Variants in FRK observed in about 807,000 individuals in gnomAD.
The protein encoded by FRK is tyrosine-protein kinase FRK.
FRK carries 51 observed loss-of-function variants against 56.4 expected under a neutral mutation model. That is an observed-to-expected ratio of 0.90 (90% CI 0.72 to 1.14). The LOEUF is 1.14. Ranked by LOEUF, FRK falls within the 50% of genes most tolerant of loss-of-function variation. The pLI is 0.00. For synonymous variants in FRK, 245 were observed against 217.9 expected (o/e 1.12, Z -1.10); for missense variants, 570 against 601.4 (o/e 0.95, Z 0.55).
At chr6:115,987,419 C>T (rs1023305055) in intron 2 of FRK, among the ~76,000 whole-genome samples, 8 of 152,200 alleles carry the variant, frequency 5.3e-5, no homozygotes, top group African/African-American at 1.9e-4. Flanking sequence ...GCTCTGATGA[C>T]CTTATCCTTC....
chr6:116,055,499 T>G (rs1444550629), intron 1 of FRK, among the ~76,000 whole-genome samples: 1 of 152,206 alleles, frequency 6.6e-6, no homozygotes. Flanking sequence ...CCTGCTAAAG[T>G]GCTAACAAGA....
the FRK span, among the ~76,000 whole-genome samples, chr6:116,098,690 T>A: frequency 6.6e-6 from 1 of 152,320 alleles, no homozygotes; most frequent in South Asian, 2.1e-4. Flanking sequence ...GAACTTGTAG[T>A]TGATAATACA....
chr6:115,990,121 G>A (rs927235439), intron 2 of FRK, among the ~76,000 whole-genome samples: 6 of 151,718 alleles, frequency 4.0e-5, no homozygotes, highest in African/African-American at 1.2e-4. Context: ...ACTTTTTAAT[G>A]GAGTTGTTAT....
chr6:116,000,568 G>A (rs190917021), intron 2 of FRK, among the ~76,000 whole-genome samples: 19 of 151,970 alleles, frequency 1.3e-4, no homozygotes, highest in Admixed American at 8.5e-4. Flanking sequence ...TATTTTTAAC[G>A]CTAATCTAAA....
intron 6 of FRK, 67 bp from the exon 7 acceptor site, chr6:115,943,252 C>G: frequency 1.8e-6 from 2 of 1,115,766 alleles, no homozygotes; most frequent in Non-Finnish European, 1.3e-6. Flanking sequence ...CCTCATTCAT[C>G]TATAATCTGC....
chr6:115,977,551 G>A (rs1404266592), intron 2 of FRK, among the ~76,000 whole-genome samples: 1 of 152,158 alleles, frequency 6.6e-6, no homozygotes, highest in Non-Finnish European at 1.5e-5. Context: ...GTTGACTCAA[G>A]AAAGCTTACC....
chr6:116,061,187 A>G (rs1216599860), upstream of FRK, among the ~76,000 whole-genome samples: 1 of 152,194 alleles, frequency 6.6e-6, no homozygotes, highest in Non-Finnish European at 1.5e-5. Context: ...GGCAAATTAA[A>G]GTATTTAGGT....
intron 1 of FRK, among the ~76,000 whole-genome samples, chr6:116,051,654 T>C (rs1411129218): frequency 6.6e-6 from 1 of 152,120 alleles, no homozygotes; most frequent in Non-Finnish European, 1.5e-5. Context: ...TGCAATATCG[T>C]TAAAACTGCT....
At chr6:116,067,510 T>C in the FRK span, among the ~76,000 whole-genome samples, 1 of 152,192 alleles carries the variant, frequency 6.6e-6, no homozygotes, top group Non-Finnish European at 1.5e-5. Flanking sequence ...CGGCTTCATC[T>C]ACCCTCTTCA....
In FRK at chr6:116,022,576, A is replaced by G. The variant is rs1216671698; in HGVS notation, c.345-18578T>C. 3.3e-5 allele frequency among the ~76,000 whole-genome samples: 5 copies of G among 152,314 alleles called. No homozygotes were observed. In the East Asian group the frequency reaches 7.7e-4, roughly 23 times the overall value. On this transcript the variant is annotated intron_variant, in intron 1 of 7. Transcript: ENST00000606080. ...ATAATCAGCCGCTCAATAGATGCAGAAAAATCTTTTTGAAAAAGTCAACAT... is the reference window on the plus strand; with the variant it reads ...ATAATCAGCCGCTCAATAGATGCAGGAAAATCTTTTTGAAAAAGTCAACAT...
chr6:116,033,544 A>T (rs1242387698), intron 1 of FRK, among the ~76,000 whole-genome samples: 1 of 152,132 alleles, frequency 6.6e-6, no homozygotes, highest in Non-Finnish European at 1.5e-5. Flanking sequence ...CAAATTTTAT[A>T]AAATCATTTT....
chr6:116,024,410 C>T (rs1038488529), intron 1 of FRK, among the ~76,000 whole-genome samples: 2 of 140,988 alleles, frequency 1.4e-5, no homozygotes, highest in African/African-American at 5.1e-5. Flanking sequence ...TGCTATCCCT[C>T]CCCCCTCCCC....
At chr6:115,956,229 T>C (rs1562255206) in intron 5 of FRK, among the ~76,000 whole-genome samples, 1 of 152,188 alleles carries the variant, frequency 6.6e-6, no homozygotes, top group Non-Finnish European at 1.5e-5. Context: ...ATATCTGTTG[T>C]GAATAATTTT....
chr6:116,024,984 T>A (rs1282985783), intron 1 of FRK, among the ~76,000 whole-genome samples: 7 of 152,166 alleles, frequency 4.6e-5, no homozygotes, highest in Non-Finnish European at 8.8e-5. Flanking sequence ...GATATCTCAT[T>A]GTGGTTTTGA....
At chr6:116,073,417 T>C in the FRK span, among the ~76,000 whole-genome samples, 3,589 of 152,244 alleles carry the variant, frequency 0.024, 145 homozygotes, top group African/African-American at 0.083. Context: ...ATCTCCCTAG[T>C]ACACCAGAAA....
chr6:115,988,725 C>G (rs1774479304), intron 2 of FRK, among the ~76,000 whole-genome samples: 1 of 151,984 alleles, frequency 6.6e-6, no homozygotes, highest in African/African-American at 2.4e-5. Context: ...ACGCGATACA[C>G]TACTTGGACT....
At chr6:116,066,413 A>G in the FRK span, among the ~76,000 whole-genome samples, 1 of 150,420 alleles carries the variant, frequency 6.6e-6, no homozygotes, top group East Asian at 1.9e-4. Context: ...TACTTAATAA[A>G]CTCCCCTTTA....
At chr6:116,029,688 G>T (rs1050099878) in intron 1 of FRK, among the ~76,000 whole-genome samples, 1 of 152,114 alleles carries the variant, frequency 6.6e-6, no homozygotes, top group African/African-American at 2.4e-5. Context: ...TATAAGGGAA[G>T]CACTCTTACA....
intron 1 of FRK, among the ~76,000 whole-genome samples, chr6:116,052,241 C>G (rs1428458183): frequency 6.6e-6 from 1 of 152,106 alleles, no homozygotes; most frequent in African/African-American, 2.4e-5. Flanking sequence ...GGGAATTATG[C>G]TTTTATGACT....
Sources: gnomAD v4.1 joint callset for allele counts (sites outside exome capture counted in the v4.1 genomes callset) on GRCh38, gnomAD v4.1.1 for gene constraint, MANE v1.5 for transcripts, NCBI Gene and HGNC (gene_info 2026-07-23, HGNC 2026-07-21) for gene names.